SLIT3: variants seen among roughly 807,000 people sequenced by gnomAD.
SLIT3 encodes the protein slit guidance ligand 3, also known as slit homolog 3 protein.
SLIT3 carries 68 observed loss-of-function variants against 184.0 expected under a neutral mutation model. The observed-to-expected ratio is 0.37, with a 90% CI of 0.30 to 0.45. The LOEUF is 0.45. Ranked by LOEUF, SLIT3 falls within the 20% of genes least tolerant of loss-of-function variation. SLIT3 has a pLI of 1.00. For synonymous variants in SLIT3, 831 were observed against 828.6 expected (o/e 1.00, Z -0.05); for missense variants, 1,707 against 2,026.0 (o/e 0.84, Z 3.02).
At chr5:168,997,056 C>G (rs1755536727) in intron 4 of SLIT3, among the ~76,000 whole-genome samples, 2 of 152,166 alleles carry the variant, frequency 1.3e-5, no homozygotes, top group African/African-American at 4.8e-5. Context: ...AGGGAGGGAT[C>G]AACCGCCTCA....
intron 25 of SLIT3, 53 bp from the exon 26 acceptor site, chr5:168,708,153 ATACC>A: frequency 6.2e-7 from 1 of 1,613,368 alleles, no homozygotes; most frequent in South Asian, 1.1e-5. Context: ...GCTCACTGCC[ATACC>A]TCCCTTCCCC....
intron 5 of SLIT3, among the ~76,000 whole-genome samples, chr5:168,869,333 A>G (rs1172157664): frequency 1.3e-5 from 2 of 152,190 alleles, no homozygotes; most frequent in Non-Finnish European, 2.9e-5. Context: ...CTCAGTGACT[A>G]TGTGACCCTG....
At chr5:168,866,071 T>G (rs542542922) in intron 5 of SLIT3, among the ~76,000 whole-genome samples, 2 of 152,312 alleles carry the variant, frequency 1.3e-5, no homozygotes, top group East Asian at 3.9e-4. Flanking sequence ...CAAGACAGCT[T>G]TTTCACTTTT....
At chr5:169,171,748 C>G (rs1005471441) in intron 4 of SLIT3, among the ~76,000 whole-genome samples, 1 of 152,142 alleles carries the variant, frequency 6.6e-6, no homozygotes, top group Non-Finnish European at 1.5e-5. Context: ...ACATCTACCT[C>G]GGAGGACTCA....
At chr5:168,883,865 G>A (rs1356912033) in intron 4 of SLIT3, among the ~76,000 whole-genome samples, 1 of 152,138 alleles carries the variant, frequency 6.6e-6, no homozygotes, top group East Asian at 1.9e-4. Context: ...GAGAGTCCCA[G>A]AGATTCCTGG....
At chr5:168,678,646 G>A (rs1437619716) in intron 32 of SLIT3, among the ~76,000 whole-genome samples, 3 of 152,124 alleles carry the variant, frequency 2.0e-5, no homozygotes, top group Non-Finnish European at 4.4e-5. Flanking sequence ...TCGCGCTACT[G>A]CACTCCAGCC....
In SLIT3 at chr5:168,710,926, G is replaced by A. The variant is rs1314398758; in HGVS notation, c.2688C>T (p.Leu896=). 1.3e-6 allele frequency: 2 copies of A among 1,561,200 alleles called. No individual in the cohort carries two copies. Among genetic ancestry groups the A allele is most frequent in the Non-Finnish European group, 1.7e-6 (2 of 1,152,138 alleles). ...ACTGGAAGCGGTGGGTTGGGGTGGT[G>A]AGCAGGAGCCTGTCAGCCATGGGCT... is the stretch of plus-strand genomic sequence containing the variant. ...SPEPMADRLL[L]TTPTHRFQCK... is the part of the protein sequence containing the mutation. The change falls in exon 25 of 36, where the codon CTC becomes CTT. Residue 896 remains leucine (L), a synonymous_variant. Transcript: ENST00000519560.
intron 4 of SLIT3, among the ~76,000 whole-genome samples, chr5:169,073,636 T>C (rs1436026927): frequency 6.6e-6 from 1 of 152,096 alleles, no homozygotes; most frequent in Non-Finnish European, 1.5e-5. Flanking sequence ...ATGAATGTCT[T>C]GGTGCTATTC....
At chr5:168,805,072 G>C (rs928794250) in intron 9 of SLIT3, among the ~76,000 whole-genome samples, 3 of 152,134 alleles carry the variant, frequency 2.0e-5, no homozygotes, top group African/African-American at 7.2e-5. Flanking sequence ...TCTACCTTCT[G>C]ACATGTTATC....
At chr5:168,919,120 C>T (rs1166021875) in intron 4 of SLIT3, among the ~76,000 whole-genome samples, 2 of 151,894 alleles carry the variant, frequency 1.3e-5, no homozygotes, top group East Asian at 3.9e-4. Context: ...ACTAGCCAAG[C>T]GTGGTGGCGG....
chr5:168,684,361 T>C (rs1002687743), intron 31 of SLIT3, among the ~76,000 whole-genome samples: 2 of 152,324 alleles, frequency 1.3e-5, no homozygotes, highest in South Asian at 4.1e-4. Context: ...TATATTAATG[T>C]ATGTCAGGAG....
At chr5:169,190,031 TTC>T (rs1325560498) in intron 4 of SLIT3, among the ~76,000 whole-genome samples, 1 of 152,252 alleles carries the variant, frequency 6.6e-6, no homozygotes, top group Non-Finnish European at 1.5e-5. Flanking sequence ...CTCTTCTGTC[TTC>T]TGATAACAAA....
Position 169,063,896 on chromosome 5 carries a change from A to G in SLIT3, c.413+129583T>C, listed in dbSNP as rs187359652. Among the ~76,000 whole-genome samples, 225 of 152,322 alleles carry G rather than the reference A, an allele frequency of 1.5e-3. 2 individuals are homozygous for G. Among genetic ancestry groups the G allele is most frequent in the Non-Finnish European group, 5.7e-4 (39 of 68,026 alleles). On this transcript the variant is annotated intron_variant, in intron 4 of 35. Transcript: ENST00000519560. ...TACATTTCCTCCATTTCCTCTCAAC[A>G]TAAATTCTGACAACACAAATGCCGT...
chr5:169,063,145 A>C (rs560358576), intron 4 of SLIT3, among the ~76,000 whole-genome samples: 1 of 152,330 alleles, frequency 6.6e-6, no homozygotes, highest in African/African-American at 2.4e-5. Context: ...GTTTGTAATC[A>C]TAAGTGCCAA....
At chr5:168,879,508 C>T (rs1759872819) in intron 5 of SLIT3, among the ~76,000 whole-genome samples, 1 of 152,212 alleles carries the variant, frequency 6.6e-6, no homozygotes. Flanking sequence ...CACCTCTGTC[C>T]AGATGCTTCT....
intron 5 of SLIT3, among the ~76,000 whole-genome samples, chr5:168,879,002 A>G (rs770253693): frequency 1.3e-5 from 2 of 152,216 alleles, no homozygotes; most frequent in African/African-American, 2.4e-5. Flanking sequence ...GGCATGAGCC[A>G]CCACACCTGG....
At chr5:169,285,236 T>C (rs1324386828) in intron 1 of SLIT3, among the ~76,000 whole-genome samples, 1 of 152,172 alleles carries the variant, frequency 6.6e-6, no homozygotes, top group Non-Finnish European at 1.5e-5. Context: ...GATTTTTGAA[T>C]CCAGATCTCC....
chr5:168,679,232 A>AT (rs924401559), intron 32 of SLIT3, among the ~76,000 whole-genome samples: 1 of 151,724 alleles, frequency 6.6e-6, no homozygotes, highest in East Asian at 1.9e-4. Context: ...GTAATTTTTT[A>AT]TTTTTTGCAT....
intron 5 of SLIT3, among the ~76,000 whole-genome samples, chr5:168,865,435 C>A (rs1468995740): frequency 6.6e-6 from 1 of 152,164 alleles, no homozygotes; most frequent in Non-Finnish European, 1.5e-5. Flanking sequence ...GACAATACAA[C>A]ACAGGGTGAA....
Sources: gnomAD v4.1 joint callset for allele counts (sites outside exome capture counted in the v4.1 genomes callset) on GRCh38, gnomAD v4.1.1 for gene constraint, MANE v1.5 for transcripts, NCBI Gene and HGNC (gene_info 2026-07-23, HGNC 2026-07-21) for gene names.